Variants in COLEC11 observed in about 807,000 individuals in gnomAD.
COLEC11 encodes the protein collectin subfamily member 11, also known as collectin-11.
COLEC11 carries 20 observed loss-of-function variants against 27.3 expected under a neutral mutation model. The observed-to-expected ratio is 0.73, with a 90% CI of 0.51 to 1.06. COLEC11 has a LOEUF of 1.06. COLEC11 is among the 50% of genes least tolerant of loss of function. COLEC11 has a pLI of 0.00. For missense variants in COLEC11, 310 were observed against 383.0 expected (o/e 0.81, Z 1.59); for synonymous variants, 163 against 154.7 (o/e 1.05, Z -0.40).
chr2:3,635,930 G>C (rs1157505645), intron 3 of COLEC11, among the ~76,000 whole-genome samples: 1 of 152,372 alleles, frequency 6.6e-6, no homozygotes, highest in East Asian at 1.9e-4. Context: ...AATCAAGGCT[G>C]CATTTTATTG....
chr2:3,638,166 C>T (rs1422139191), intron 4 of COLEC11, among the ~76,000 whole-genome samples: 6 of 152,198 alleles, frequency 3.9e-5, no homozygotes, highest in Admixed American at 6.5e-5. Flanking sequence ...CGTGGTAAGG[C>T]GGGCAGATCA....
At chr2:3,610,110 C>T (rs867701392) in intron 2 of COLEC11, among the ~76,000 whole-genome samples, 1 of 152,206 alleles carries the variant, frequency 6.6e-6, no homozygotes, top group East Asian at 1.9e-4. Context: ...TAGTGAGTCT[C>T]GCTCTGGGGT....
chr2:3,625,625 CTTTTTTT>C (rs60222284), intron 3 of COLEC11, among the ~76,000 whole-genome samples: 6 of 91,460 alleles, frequency 6.6e-5, no homozygotes, highest in Admixed American at 1.4e-4. Context: ...TTCTTTTTTA[CTTTTTTT>C]TTTTTTTTTT....
intron 1 of COLEC11, among the ~76,000 whole-genome samples, chr2:3,596,588 T>G (rs1430737473): frequency 6.6e-6 from 1 of 152,238 alleles, no homozygotes; most frequent in African/African-American, 2.4e-5. Flanking sequence ...CTGCCCACCT[T>G]GGCCTCCCAA....
chr2:3,617,478 A>C (rs1312918708), intron 3 of COLEC11: 1 of 1,370,556 alleles, frequency 7.3e-7, no homozygotes, highest in Admixed American at 1.7e-5. Flanking sequence ...AAAGCTAAAC[A>C]GCTAAAAGAA....
At position 3,598,332 on chromosome 2, in the gene COLEC11, T is replaced by A. The variant is rs143258559; in HGVS notation, c.-27+3164T>A. Among the ~76,000 whole-genome samples, 226 of 152,338 alleles carry A rather than the reference T, an allele frequency of 1.5e-3. 1 individual carries two copies. Among genetic ancestry groups the A allele is most frequent in the African/African-American group, 5.1e-3 (211 of 41,580 alleles). On this transcript the variant is annotated intron_variant, in intron 1 of 6. Coordinates refer to ENST00000349077, the MANE Select transcript of COLEC11 (RefSeq NM_024027.5). ...CTGGAAATACTGTGTAGACATTAGA[T>A]ATAATAAAGATTTGGAAACACGGAA...
At chr2:3,628,252 C>T (rs11691975) in intron 3 of COLEC11, among the ~76,000 whole-genome samples, 15,465 of 152,278 alleles carry the variant, frequency 0.1, 2,670 homozygotes, top group African/African-American at 0.35. Flanking sequence ...CCAGGTGAAG[C>T]GGCTGCCCCG....
At position 3,613,331 on chromosome 2, in the gene COLEC11, G is replaced by A. The variant is rs1343001954; in HGVS notation, c.151G>A (p.Asp51Asn). 1 of 1,610,766 alleles carries A rather than the reference G, an allele frequency of 6.2e-7. No individual in the cohort carries two copies. Among genetic ancestry groups the A allele is most frequent in the South Asian group, 1.1e-5 (1 of 90,202 alleles). ...GLKGDAGEKG[D>N]KGAPGRPGRV... ...CACAGGGGATGCGGGAGAGAAGGGA[G>A]ACAAAGGCGCCCCCGGACGGCCTGG... The change falls in exon 3 of 7, where the codon GAC becomes AAC. Residue 51 changes from aspartate (D) to asparagine (N), a missense_variant. Asp to Asn is a conservative substitution (Grantham distance 23). Transcript: ENST00000349077.
chr2:3,642,941 G>T (rs1269108998), intron 5 of COLEC11, among the ~76,000 whole-genome samples: 4 of 152,082 alleles, frequency 2.6e-5, no homozygotes, highest in South Asian at 2.1e-4. Flanking sequence ...CATGTCACAG[G>T]CACCTGAGTG....
In COLEC11 at chr2:3,615,613, C is replaced by T. The variant is rs143031052; in HGVS notation, c.202+2231C>T. Among the ~76,000 whole-genome samples the T allele has an allele frequency of 2.5e-3, 379 of 152,368 alleles. 12 individuals are homozygous for T. In the East Asian group the frequency reaches 0.064, roughly 26 times the overall value. On this transcript the variant is annotated intron_variant, in intron 3 of 6. Coordinates refer to ENST00000349077, the MANE Select transcript of COLEC11 (RefSeq NM_024027.5). ...TTCCCCCTTTTCTATTTGACAAAAC[C>T]GCCATCGTCATCATGGCCCATTCTC...
chr2:3,640,418 C>CTA, intron 5 of COLEC11, 87 bp downstream of exon 5: 1 of 777,066 alleles, frequency 1.3e-6, no homozygotes, highest in Non-Finnish European at 2.2e-6. Flanking sequence ...CCATGTAGAT[C>CTA]CCACAGTGGA....
chr2:3,624,368 TAATAA>T (rs1187275598), intron 3 of COLEC11, among the ~76,000 whole-genome samples: 1 of 152,250 alleles, frequency 6.6e-6, no homozygotes, highest in East Asian at 1.9e-4. Context: ...GGGGGCTTCC[TAATAA>T]AATCTGCAGA....
intron 4 of COLEC11, among the ~76,000 whole-genome samples, chr2:3,637,987 C>T (rs528681525): frequency 6.6e-6 from 1 of 152,322 alleles, no homozygotes; most frequent in African/African-American, 2.4e-5. Flanking sequence ...ATCTGTTCCC[C>T]CAGCTCAGGT....
chr2:3,625,244 C>T (rs987355374), intron 3 of COLEC11, among the ~76,000 whole-genome samples: 1 of 152,160 alleles, frequency 6.6e-6, no homozygotes, highest in Admixed American at 6.5e-5. Flanking sequence ...AGGCCTGTCC[C>T]CACTGATGTT....
intron 4 of COLEC11, among the ~76,000 whole-genome samples, chr2:3,638,934 A>T (rs900317674): frequency 9.9e-5 from 15 of 152,176 alleles, no homozygotes; most frequent in African/African-American, 3.6e-4. Context: ...TCATCTCTCC[A>T]AAGAGAGACT....
At chr2:3,608,673 AAAAC>A (rs888916039) in intron 2 of COLEC11, among the ~76,000 whole-genome samples, 3 of 152,198 alleles carry the variant, frequency 2.0e-5, no homozygotes, top group Non-Finnish European at 4.4e-5. Flanking sequence ...ACAAAAAACA[AAAAC>A]AAAACAAAAC....
intron 3 of COLEC11, among the ~76,000 whole-genome samples, chr2:3,637,047 A>G (rs1572468459): frequency 2.0e-5 from 3 of 152,088 alleles, no homozygotes. Context: ...AAGTTCACAC[A>G]CCCGAGAGGA....
intron 1 of COLEC11, chr2:3,603,618 T>C: frequency 6.4e-7 from 1 of 1,550,874 alleles, no homozygotes; most frequent in Non-Finnish European, 8.7e-7. Context: ...CGCCTGGTCT[T>C]GTTTTCCAAG....
intron 3 of COLEC11, among the ~76,000 whole-genome samples, chr2:3,632,087 C>T (rs187271351): frequency 6.6e-6 from 1 of 152,192 alleles, no homozygotes; most frequent in African/African-American, 2.4e-5. Flanking sequence ...TCCTGATGCT[C>T]GCTGTGACCC....
Sources: allele counts gnomAD v4.1 joint callset (sites outside exome capture counted in the v4.1 genomes callset), GRCh38; gene constraint gnomAD v4.1.1; transcripts MANE v1.5; gene names NCBI Gene and HGNC (gene_info 2026-07-23, HGNC 2026-07-21).